Variants in CSMD3 observed in about 807,000 individuals in gnomAD.
CSMD3 encodes the protein CUB and Sushi multiple domains 3.
Under a neutral mutation model 435.2 loss-of-function variants are expected in CSMD3, and 177 were observed. The ratio of observed to expected loss-of-function variants is 0.41; its 90% CI spans 0.36 to 0.46. CSMD3 has a LOEUF of 0.46. Among genes scored for constraint, CSMD3 ranks in the 20% least tolerant of loss-of-function variants. CSMD3 has a pLI of 0.34. For synonymous variants in CSMD3, 1,656 were observed against 1,520.5 expected (o/e 1.09, Z -2.07); for missense variants, 4,265 against 4,504.6 (o/e 0.95, Z 1.52).
intron 27 of CSMD3, among the ~76,000 whole-genome samples, chr8:112,532,737 G>C (rs958761132): frequency 6.6e-6 from 1 of 152,130 alleles, no homozygotes. Flanking sequence ...TTAATATACA[G>C]CAAGAAATCA....
At chr8:112,419,123 A>C (rs1812211824) in intron 32 of CSMD3, among the ~76,000 whole-genome samples, 2 of 152,198 alleles carry the variant, frequency 1.3e-5, no homozygotes, top group African/African-American at 4.8e-5. Flanking sequence ...TAATAGTTTG[A>C]AAACTTTTAT....
chr8:113,188,445 G>T (rs182344861), intron 3 of CSMD3, among the ~76,000 whole-genome samples: 325 of 152,010 alleles, frequency 2.1e-3, no homozygotes, highest in African/African-American at 7.5e-3. Flanking sequence ...ATCCCCTTGG[G>T]GGAATAATTG....
chr8:112,465,792 T>TG (rs1429969423), intron 32 of CSMD3, among the ~76,000 whole-genome samples: 1 of 151,980 alleles, frequency 6.6e-6, no homozygotes, highest in East Asian at 1.9e-4. Flanking sequence ...CTGGCCAACA[T>TG]GGTGAAACCT....
At chr8:113,298,749 G>C (rs1474457523) in intron 2 of CSMD3, among the ~76,000 whole-genome samples, 3 of 152,076 alleles carry the variant, frequency 2.0e-5, no homozygotes, top group Non-Finnish European at 4.4e-5. Context: ...ACATAGCAGA[G>C]ATGAAAAACT....
chr8:113,294,528 C>T (rs529822627), intron 2 of CSMD3, among the ~76,000 whole-genome samples: 2 of 152,228 alleles, frequency 1.3e-5, no homozygotes, highest in African/African-American at 4.8e-5. Flanking sequence ...CGAGGACTCT[C>T]AATTAGTTTT....
rs1825118270 is a variant in CSMD3, at chr8:112,341,559, T to A, written c.6570A>T (p.Leu2190Phe). The change falls in exon 42 of 71, where the codon TTA becomes TTT. Residue 2190 changes from leucine to phenylalanine, a missense_variant. By Grantham distance (22) the Leu-to-Phe change is conservative. Coordinates refer to ENST00000297405, the MANE Select transcript of CSMD3 (RefSeq NM_198123.2). ...AGCTGGTTTCATGGGTGGTGCTGAA[T>A]AAGGAAGATGGTATTTGAGGACCAC... Reference protein sequence around the residue: ...RLSGPQIPSSLFSTTHETSLY... With the variant: ...RLSGPQIPSSFFSTTHETSLY... 1 of 1,613,352 alleles carries A rather than the reference T, an allele frequency of 6.2e-7. No individual in the cohort carries two copies. The highest frequency in any genetic ancestry group is 1.1e-5 in the South Asian group (1 of 91,068).
intron 38 of CSMD3, among the ~76,000 whole-genome samples, chr8:112,379,916 A>T (rs1293299576): frequency 6.6e-6 from 1 of 152,204 alleles, no homozygotes; most frequent in East Asian, 1.9e-4. Context: ...CTTCCATGGG[A>T]AATCTAAAAT....
chr8:112,784,951 C>A (rs765817296), intron 13 of CSMD3, among the ~76,000 whole-genome samples: 7 of 151,862 alleles, frequency 4.6e-5, no homozygotes, highest in African/African-American at 1.7e-4. Context: ...GAGACAAAGA[C>A]ACATCAGAAA....
At chr8:113,015,953 C>T (rs1435193289) in intron 6 of CSMD3, among the ~76,000 whole-genome samples, 3 of 151,786 alleles carry the variant, frequency 2.0e-5, no homozygotes, top group Non-Finnish European at 4.4e-5. Context: ...TAGCACAATC[C>T]AAGTTCTCAT....
At chr8:113,056,267 T>C (rs1171293556) in intron 5 of CSMD3, among the ~76,000 whole-genome samples, 2 of 152,122 alleles carry the variant, frequency 1.3e-5, no homozygotes, top group African/African-American at 4.8e-5. Flanking sequence ...AACACCCATG[T>C]AGTATGAACC....
intron 27 of CSMD3, among the ~76,000 whole-genome samples, chr8:112,517,901 T>C (rs975584196): frequency 6.6e-6 from 1 of 152,124 alleles, no homozygotes; most frequent in East Asian, 1.9e-4. Context: ...ACCACAGCAA[T>C]TGCACTCTTG....
At chr8:113,434,535 T>C (rs1169101555) in intron 1 of CSMD3, among the ~76,000 whole-genome samples, 2 of 152,134 alleles carry the variant, frequency 1.3e-5, no homozygotes, top group East Asian at 3.9e-4. Context: ...TTCTCAGAAT[T>C]TGGGGACAGT....
intron 59 of CSMD3, among the ~76,000 whole-genome samples, chr8:112,280,196 G>A (rs1818488848): frequency 6.6e-6 from 1 of 152,092 alleles, no homozygotes; most frequent in Non-Finnish European, 1.5e-5. Flanking sequence ...CCTCCCACTA[G>A]TATCCCCAAG....
At chr8:113,071,735 T>C (rs1332306355) in intron 5 of CSMD3, among the ~76,000 whole-genome samples, 1 of 151,936 alleles carries the variant, frequency 6.6e-6, no homozygotes, top group Admixed American at 6.6e-5. Flanking sequence ...ATTAGAAAGC[T>C]TGATGCCTCC....
At chr8:112,834,481 T>C (rs1317741400) in intron 11 of CSMD3, among the ~76,000 whole-genome samples, 3 of 151,692 alleles carry the variant, frequency 2.0e-5, no homozygotes, top group Admixed American at 6.6e-5. Flanking sequence ...ACTTAGTATA[T>C]TGAGATATGG....
At chr8:113,322,037 A>C (rs952728066) in intron 1 of CSMD3, among the ~76,000 whole-genome samples, 1 of 152,180 alleles carries the variant, frequency 6.6e-6, no homozygotes, top group African/African-American at 2.4e-5. Flanking sequence ...TGTGCACCAA[A>C]TTAATGTACA....
intron 4 of CSMD3, among the ~76,000 whole-genome samples, chr8:113,108,002 A>C (rs1368558587): frequency 6.6e-6 from 1 of 152,210 alleles, no homozygotes; most frequent in African/African-American, 2.4e-5. Flanking sequence ...CTGATCTCTG[A>C]GAATCTACAG....
intron 32 of CSMD3, among the ~76,000 whole-genome samples, chr8:112,460,886 C>G (rs535778376): frequency 2.0e-5 from 3 of 152,074 alleles, no homozygotes; most frequent in Non-Finnish European, 4.4e-5. Flanking sequence ...GAATACTATT[C>G]AAATCCCTCT....
At chr8:113,102,674 T>A (rs2090364166) in intron 4 of CSMD3, among the ~76,000 whole-genome samples, 1 of 152,050 alleles carries the variant, frequency 6.6e-6, no homozygotes, top group African/African-American at 2.4e-5. Flanking sequence ...AGTAACTACA[T>A]GAAAAGCAGA....
Sources: allele counts gnomAD v4.1 joint callset (sites outside exome capture counted in the v4.1 genomes callset), GRCh38; gene constraint gnomAD v4.1.1; transcripts MANE v1.5; gene names NCBI Gene and HGNC (gene_info 2026-07-23, HGNC 2026-07-21).